The following MTUS2 variants were observed in gnomAD, a reference collection of about 807,000 sequenced individuals.
The protein encoded by MTUS2 is microtubule-associated tumor suppressor candidate 2.
In MTUS2, 40 loss-of-function variants were observed where a neutral mutation model predicts 114.1. The ratio of observed to expected loss-of-function variants is 0.35; its 90% confidence interval spans 0.27 to 0.46. The LOEUF is 0.46. Among genes scored for constraint, MTUS2 ranks in the 20% least tolerant of loss-of-function variants. The pLI is 1.00. For synonymous variants in MTUS2, 688 were observed against 672.0 expected (o/e 1.02, Z -0.37); for missense variants, 1,679 against 1,705.4 (o/e 0.98, Z 0.27).
At chr13:29,108,118 T>C (rs1566012899) in intron 5 of MTUS2, among the ~76,000 whole-genome samples, 2 of 152,318 alleles carry the variant, frequency 1.3e-5, no homozygotes, top group African/African-American at 2.4e-5. Flanking sequence ...TTAAATAAGA[T>C]CAGGGTTGAC....
intron 2 of MTUS2, among the ~76,000 whole-genome samples, chr13:29,014,398 T>C (rs1885978211): frequency 6.6e-6 from 1 of 152,252 alleles, no homozygotes; most frequent in African/African-American, 2.4e-5. Flanking sequence ...GAAAGCTTAA[T>C]GATGACACCA....
chr13:29,102,295 AAGT>A (rs956038976), intron 5 of MTUS2, among the ~76,000 whole-genome samples: 1 of 152,190 alleles, frequency 6.6e-6, no homozygotes, highest in African/African-American at 2.4e-5. Flanking sequence ...TTTTTAGAGA[AAGT>A]AGTATGAAGG....
intron 10 of MTUS2, among the ~76,000 whole-genome samples, chr13:29,483,431 T>G (rs1008846939): frequency 5.9e-5 from 9 of 152,210 alleles, no homozygotes; most frequent in Non-Finnish European, 1.2e-4. Context: ...GCCCACGGCA[T>G]GTGCTCCGGC....
intron 2 of MTUS2, among the ~76,000 whole-genome samples, chr13:29,011,436 T>G (rs1885840849): frequency 1.3e-5 from 2 of 152,330 alleles, no homozygotes; most frequent in South Asian, 2.1e-4. Context: ...CTCTTAAATT[T>G]TGTTGGGAAT....
chr13:29,069,082 A>G (rs1056214438), intron 4 of MTUS2, among the ~76,000 whole-genome samples: 2 of 152,094 alleles, frequency 1.3e-5, no homozygotes, highest in African/African-American at 4.8e-5. Context: ...GGATGGAGAG[A>G]AGTAGATGGG....
chr13:28,862,315 A>G (rs1877037526), intron 2 of MTUS2, among the ~76,000 whole-genome samples: 2 of 152,252 alleles, frequency 1.3e-5, no homozygotes, highest in East Asian at 3.8e-4. Context: ...GCCAGAAGAA[A>G]ACAGAATTTA....
In MTUS2 at chr13:29,501,202, G is replaced by A; in HGVS notation, c.3896+8G>A. ...AAACACAGTTGTCACCAGGTAGGTG[G>A]GCTGGGTGTCACCTACAAAGTGACT... is the stretch of plus-strand genomic sequence containing the variant. On this transcript the variant is annotated splice_region_variant and intron_variant, in intron 15 of 15. Transcript: ENST00000612955. 1.2e-6 allele frequency: 2 copies of A among 1,608,608 alleles called. No homozygotes were observed. Among genetic ancestry groups the A allele is most frequent in the Non-Finnish European group, 1.7e-6 (2 of 1,175,294 alleles).
chr13:29,283,675 T>A (rs866934377), intron 6 of MTUS2, among the ~76,000 whole-genome samples: 1 of 152,274 alleles, frequency 6.6e-6, no homozygotes. Flanking sequence ...GGCTCGAGAA[T>A]TTGCATTTCT....
At chr13:28,971,055 A>G (rs1191977578) in intron 2 of MTUS2, among the ~76,000 whole-genome samples, 1 of 152,214 alleles carries the variant, frequency 6.6e-6, no homozygotes, top group Non-Finnish European at 1.5e-5. Flanking sequence ...TTGCTCACAA[A>G]TCAGTATTAT....
intron 5 of MTUS2, among the ~76,000 whole-genome samples, chr13:29,150,367 T>G (rs1234239230): frequency 2.0e-5 from 3 of 152,192 alleles, no homozygotes; most frequent in East Asian, 1.9e-4. Context: ...GAAGTGTGTG[T>G]TCATGTATTT....
chr13:28,855,773 C>G (rs1262294558), intron 2 of MTUS2, among the ~76,000 whole-genome samples: 1 of 152,024 alleles, frequency 6.6e-6, no homozygotes, highest in Non-Finnish European at 1.5e-5. Context: ...GATTTATATT[C>G]CTTTGGGTAT....
At position 29,143,457 on chromosome 13, in the gene MTUS2, A is replaced by G. The variant is rs184985244; in HGVS notation, c.2644+42487A>G. Among the ~76,000 whole-genome samples the G allele has an allele frequency of 5.9e-5, 9 of 152,306 alleles. No homozygotes were observed. In the East Asian group the frequency reaches 1.7e-3, roughly 29 times the overall value. ...TTTTTCTGCCTCAATTTTCTTATCT[A>G]AAAAATGGGGGTTATATAGCATGTC... On this transcript the variant is annotated intron_variant, in intron 5 of 15. Transcript: ENST00000612955.
At chr13:28,823,245 C>G (rs1249377821) in intron 1 of MTUS2, among the ~76,000 whole-genome samples, 1 of 152,262 alleles carries the variant, frequency 6.6e-6, no homozygotes, top group African/African-American at 2.4e-5. Flanking sequence ...CAAACAAACT[C>G]ATTCCTCGAA....
intron 5 of MTUS2, among the ~76,000 whole-genome samples, chr13:29,160,377 C>A (rs1893042319): frequency 6.6e-6 from 1 of 152,158 alleles, no homozygotes; most frequent in Non-Finnish European, 1.5e-5. Flanking sequence ...GTATATAATA[C>A]ATATAACATA....
intron 3 of MTUS2, among the ~76,000 whole-genome samples, chr13:29,027,566 T>G (rs1252725701): frequency 6.6e-6 from 1 of 152,192 alleles, no homozygotes; most frequent in Non-Finnish European, 1.5e-5. Context: ...TTTTCTTTGT[T>G]TTTGAGATGA....
At chr13:29,171,546 C>T (rs1326474771) in intron 5 of MTUS2, among the ~76,000 whole-genome samples, 7 of 152,044 alleles carry the variant, frequency 4.6e-5, no homozygotes, top group Non-Finnish European at 8.8e-5. Context: ...GTGAGATCTC[C>T]AAGTAGATGA....
At chr13:28,862,218 T>C (rs1181692378) in intron 2 of MTUS2, among the ~76,000 whole-genome samples, 1 of 152,224 alleles carries the variant, frequency 6.6e-6, no homozygotes, top group African/African-American at 2.4e-5. Flanking sequence ...GAAACATTTA[T>C]GTAGGCTGAT....
At chr13:28,906,747 G>T (rs1880044495) in intron 2 of MTUS2, among the ~76,000 whole-genome samples, 1 of 151,508 alleles carries the variant, frequency 6.6e-6, no homozygotes, top group South Asian at 2.1e-4. Flanking sequence ...TTGGGGTGGA[G>T]AGTTCTGTAG....
rs577752378 is a variant in MTUS2 at position 28,895,313 on chromosome 13, T to C, written c.-243+55463T>C. ...TACTAGGCTGATATAGTGGCAGTAT[T>C]TCATGGGTTTTACTTGACTTGTTTT... On this transcript the variant is annotated intron_variant, in intron 2 of 15. Coordinates refer to ENST00000612955, the MANE Select transcript of MTUS2 (RefSeq NM_001033602.4). 1.2e-4 allele frequency among the ~76,000 whole-genome samples: 18 copies of C among 152,332 alleles called. No homozygotes were observed. The South Asian group carries it at 3.5e-3, about 30-fold the overall frequency.
Sources: gnomAD v4.1 joint callset for allele counts (sites outside exome capture counted in the v4.1 genomes callset) on GRCh38, gnomAD v4.1.1 for gene constraint, MANE v1.5 for transcripts, NCBI Gene and HGNC (gene_info 2026-07-23, HGNC 2026-07-21) for gene names.